The following DACH1 variants were observed in gnomAD, a reference collection of about 807,000 sequenced individuals.
DACH1 encodes the protein dachshund family transcription factor 1, also known as dachshund homolog 1.
DACH1 carries 12 observed loss-of-function variants against 54.2 expected under a neutral mutation model. That is an observed-to-expected ratio of 0.22 (90% confidence interval 0.14 to 0.36). The LOEUF is 0.36. DACH1 is among the 10% of genes least tolerant of loss of function. DACH1 has a pLI of 1.00. For synonymous variants in DACH1, 386 were observed against 366.2 expected (o/e 1.05, Z -0.62); for missense variants, 805 against 929.8 (o/e 0.87, Z 1.75).
chr13:71,828,929 C>T (rs556426874), intron 1 of DACH1, among the ~76,000 whole-genome samples: 1 of 152,036 alleles, frequency 6.6e-6, no homozygotes, highest in East Asian at 1.9e-4. Context: ...TACTTTCTTC[C>T]TCCTCACTCC....
chr13:71,721,577 G>T (rs1289319398), intron 1 of DACH1, among the ~76,000 whole-genome samples: 1 of 152,056 alleles, frequency 6.6e-6, no homozygotes, highest in African/African-American at 2.4e-5. Context: ...CGTTTCATTT[G>T]CAGCCACTAT....
intron 1 of DACH1, 64 bp from the exon 2 acceptor site, chr13:71,681,974 G>C (rs373700945): frequency 2.1e-6 from 2 of 972,770 alleles, no homozygotes; most frequent in Non-Finnish European, 1.5e-6. Context: ...TTTCAAAGTT[G>C]TTTCAAGTGG....
At chr13:71,563,465 A>C (rs1884715896) in intron 4 of DACH1, among the ~76,000 whole-genome samples, 1 of 151,932 alleles carries the variant, frequency 6.6e-6, no homozygotes, top group African/African-American at 2.4e-5. Flanking sequence ...TTAATGCATA[A>C]ATCTCTGGAA....
chr13:71,498,169 G>A (rs940651909), intron 6 of DACH1, among the ~76,000 whole-genome samples: 2 of 152,140 alleles, frequency 1.3e-5, no homozygotes, highest in African/African-American at 4.8e-5. Flanking sequence ...CTTATTATAT[G>A]CAACTATCAC....
At chr13:71,525,553 C>G (rs1881897926) in intron 6 of DACH1, among the ~76,000 whole-genome samples, 1 of 151,978 alleles carries the variant, frequency 6.6e-6, no homozygotes, top group Admixed American at 6.6e-5. Context: ...TGGAAATATT[C>G]CCATAATCTT....
chr13:71,512,700 TA>T (rs1235684828), intron 6 of DACH1, among the ~76,000 whole-genome samples: 2 of 151,960 alleles, frequency 1.3e-5, no homozygotes, highest in African/African-American at 4.8e-5. Flanking sequence ...TATTCATGTG[TA>T]AATTGGCTAT....
intron 1 of DACH1, among the ~76,000 whole-genome samples, chr13:71,767,458 A>G (rs1422560187): frequency 6.6e-6 from 1 of 152,068 alleles, no homozygotes; most frequent in Non-Finnish European, 1.5e-5. Flanking sequence ...CATACACTTG[A>G]CCCATATTGA....
chr13:71,615,376 A>G (rs1425754393), intron 3 of DACH1, among the ~76,000 whole-genome samples: 1 of 152,204 alleles, frequency 6.6e-6, no homozygotes, highest in East Asian at 1.9e-4. Context: ...AAGCTTATTA[A>G]GGGCTAATTA....
intron 1 of DACH1, among the ~76,000 whole-genome samples, chr13:71,789,497 T>C (rs1886747662): frequency 6.6e-6 from 1 of 152,136 alleles, no homozygotes; most frequent in Admixed American, 6.6e-5. Flanking sequence ...AGTCTATATA[T>C]ATAATAAACA....
chr13:71,820,686 C>A (rs1888152101), intron 1 of DACH1, among the ~76,000 whole-genome samples: 1 of 151,992 alleles, frequency 6.6e-6, no homozygotes, highest in South Asian at 2.1e-4. Flanking sequence ...AAACAACATA[C>A]AGTTATAAAT....
At chr13:71,478,473 C>A (rs1412896570) in intron 8 of DACH1, among the ~76,000 whole-genome samples, 3 of 152,084 alleles carry the variant, frequency 2.0e-5, no homozygotes, top group Non-Finnish European at 4.4e-5. Flanking sequence ...AGCAAAGAGG[C>A]AGTTGATTGT....
chr13:71,854,081 CA>C (rs1487950073), intron 1 of DACH1, among the ~76,000 whole-genome samples: 1 of 151,904 alleles, frequency 6.6e-6, no homozygotes, highest in Non-Finnish European at 1.5e-5. Context: ...AAAAAGAGAG[CA>C]AAAAAGTTTA....
At chr13:71,642,439 T>C (rs1274810523) in intron 2 of DACH1, among the ~76,000 whole-genome samples, 1 of 152,220 alleles carries the variant, frequency 6.6e-6, no homozygotes, top group Non-Finnish European at 1.5e-5. Flanking sequence ...CAATTCTGAT[T>C]CTACAAGTAC....
chr13:71,561,265 T>C (rs1056739361), intron 4 of DACH1, among the ~76,000 whole-genome samples: 5 of 152,192 alleles, frequency 3.3e-5, no homozygotes, highest in African/African-American at 1.2e-4. Flanking sequence ...TATGGCTTAA[T>C]TGTGTTCCCC....
rs567342925 is a variant in DACH1, at chr13:71,745,941, C to T, written c.849-64031G>A. On this transcript the variant is annotated intron_variant, in intron 1 of 10. Coordinates refer to ENST00000613252, the MANE Select transcript of DACH1 (RefSeq NM_080759.6). ...ATCATAATAAACAACATAATGCGGC[C>T]GGGCGCGGTGACCCAAGCCTGTAAT... Among the ~76,000 whole-genome samples, 7 of 152,284 alleles carry T rather than the reference C, an allele frequency of 4.6e-5. No homozygotes were observed. The East Asian group carries it at 5.8e-4, about 13-fold the overall frequency.
At chr13:71,623,495 A>G (rs1224245639) in intron 3 of DACH1, among the ~76,000 whole-genome samples, 1 of 151,718 alleles carries the variant, frequency 6.6e-6, no homozygotes, top group African/African-American at 2.4e-5. Flanking sequence ...TTTATATTCA[A>G]AATAAATACT....
chr13:71,748,897 TC>T (rs1473236844), intron 1 of DACH1, among the ~76,000 whole-genome samples: 3 of 55,994 alleles, frequency 5.4e-5, no homozygotes, highest in Non-Finnish European at 8.9e-5. Context: ...TTTCTTTCTT[TC>T]TCTTTCTTTC....
chr13:71,636,854 C>T (rs1420905380), intron 2 of DACH1, among the ~76,000 whole-genome samples: 5 of 152,038 alleles, frequency 3.3e-5, no homozygotes, highest in African/African-American at 4.8e-5. Context: ...AACTTAGAAA[C>T]GTGGCTTGTC....
intron 6 of DACH1, among the ~76,000 whole-genome samples, chr13:71,530,445 A>C (rs1245865212): frequency 2.0e-5 from 3 of 150,496 alleles, no homozygotes; most frequent in Non-Finnish European, 4.4e-5. Context: ...AAGGACAAAG[A>C]CACTAATTTA....
Sources: allele counts gnomAD v4.1 joint callset (sites outside exome capture counted in the v4.1 genomes callset), GRCh38; gene constraint gnomAD v4.1.1; transcripts MANE v1.5; gene names NCBI Gene and HGNC (gene_info 2026-07-23, HGNC 2026-07-21).